MLXIPL: variants seen among roughly 807,000 people sequenced by gnomAD.
MLXIPL encodes carbohydrate-responsive element-binding protein.
MLXIPL carries 49 observed loss-of-function variants against 81.5 expected under a neutral mutation model. That is an observed-to-expected ratio of 0.60 (90% CI 0.48 to 0.76). MLXIPL has a LOEUF of 0.76. MLXIPL is among the 30% of genes least tolerant of loss of function. MLXIPL has a pLI of 0.00. For missense variants in MLXIPL, 1,053 were observed against 1,167.0 expected (o/e 0.90, Z 1.42); for synonymous variants, 466 against 485.5 (o/e 0.96, Z 0.53).
At chr7:73,625,189 C>T (rs899839259), upstream of MLXIPL, among the ~76,000 whole-genome samples, 1 of 151,962 alleles carries the variant, frequency 6.6e-6, no homozygotes, top group South Asian at 2.1e-4. Flanking sequence ...GTCTCCACAA[C>T]AAAAGGGTCC....
chr7:73,594,478 A>C, intron 15 of MLXIPL, 75 bp from the exon 16 acceptor site: 3 of 1,579,526 alleles, frequency 1.9e-6, no homozygotes, highest in Non-Finnish European at 2.6e-6. Context: ...TGCCCAGTTC[A>C]AACCAGGGGA....
At chr7:73,619,504 C>CT in intron 1 of MLXIPL, among the ~76,000 whole-genome samples, 1 of 151,408 alleles carries the variant, frequency 6.6e-6, no homozygotes, top group East Asian at 1.9e-4. Context: ...TGGTGCAAAC[C>CT]TCTAGTCTCA....
intron 1 of MLXIPL, 26 bp from the exon 2 acceptor site, chr7:73,616,203 T>G: frequency 6.4e-7 from 1 of 1,569,310 alleles, no homozygotes; most frequent in Non-Finnish European, 8.8e-7. Flanking sequence ...GGAGTAGGGT[T>G]AGGGAGATGC....
Position 73,605,890 on chromosome 7 carries a change from G to A in MLXIPL, c.820+20C>T. The A allele has an allele frequency of 6.4e-7, 1 of 1,571,742 alleles. No individual in the cohort carries two copies. The highest frequency in any genetic ancestry group is 2.3e-5 in the East Asian group (1 of 42,908). ...TCACAGGCCTTCACCCCTCTCCCCT[G>A]CCCTTTCTCAGACCCTCACCATCCT... On this transcript the variant is annotated intron_variant, in intron 6 of 16. Coordinates refer to ENST00000313375, the MANE Select transcript of MLXIPL (RefSeq NM_032951.3).
Position 73,623,418 on chromosome 7 carries a change from C to CGCGGGGCGTGGAGCGGCA in MLXIPL, c.293+764_293+781dup, listed in dbSNP as rs1554602741. On this transcript the variant is annotated intron_variant, in intron 1 of 16. Transcript: ENST00000313375. This position sits in a 1 kb window ranked among gnomAD's most constrained non-coding sequence, Gnocchi z 5.7. ...CTCGGGTTCGCGCCCTCCTCTGGGA[C>CGCGGGGCGTGGAGCGGCA]GCGGGGCGTGGAGCGGCAGCGGGGC... Among the ~76,000 whole-genome samples, 1 of 152,024 alleles carries CGCGGGGCGTGGAGCGGCA rather than the reference C, an allele frequency of 6.6e-6. No individual in the cohort carries two copies. Among genetic ancestry groups the CGCGGGGCGTGGAGCGGCA allele is most frequent in the African/African-American group, 2.4e-5 (1 of 41,408 alleles).
At chr7:73,604,604 A>G (rs782239462) in intron 7 of MLXIPL, among the ~76,000 whole-genome samples, 7 of 152,098 alleles carry the variant, frequency 4.6e-5, no homozygotes, top group Non-Finnish European at 1.0e-4. Context: ...AAAATAAAAT[A>G]GAAACATAAC....
At chr7:73,631,310 C>T in the MLXIPL span, among the ~76,000 whole-genome samples, 9 of 152,046 alleles carry the variant, frequency 5.9e-5, no homozygotes, top group East Asian at 1.9e-4. Flanking sequence ...CCACCGCACC[C>T]GGCCCACACT....
Position 73,599,516 on chromosome 7 carries a change from G to T in MLXIPL, c.1071+10C>A, listed in dbSNP as rs939362438. On this transcript the variant is annotated intron_variant, in intron 8 of 16. Transcript: ENST00000313375. ...GCTACACAGGGCTGGACGGGGTGGGGTGAGCTCACCTGCAGACGGCTGTGT... is the reference window on the plus strand; with the variant it reads ...GCTACACAGGGCTGGACGGGGTGGGTTGAGCTCACCTGCAGACGGCTGTGT... 2.5e-6 allele frequency: 4 copies of T among 1,612,230 alleles called. No individual in the cohort carries two copies. Among genetic ancestry groups the T allele is most frequent in the Admixed American group, 1.7e-5 (1 of 59,944 alleles).
chr7:73,626,469 A>AT (rs35194433), upstream of MLXIPL, among the ~76,000 whole-genome samples: 349 of 147,910 alleles, frequency 2.4e-3, 3 homozygotes, highest in South Asian at 0.012. Context: ...AACCTGGCTA[A>AT]TTTTTTTTTT....
the MLXIPL span, among the ~76,000 whole-genome samples, chr7:73,636,048 C>A: frequency 6.6e-6 from 1 of 152,134 alleles, no homozygotes; most frequent in Non-Finnish European, 1.5e-5. Flanking sequence ...TTAAGGGCGG[C>A]CGGACTTGCA....
the MLXIPL span, among the ~76,000 whole-genome samples, chr7:73,630,443 C>G: frequency 2.6e-5 from 4 of 151,988 alleles, no homozygotes; most frequent in African/African-American, 9.7e-5. Context: ...CAGGCGTGTG[C>G]CACTATGCCC....
chr7:73,630,962 C>T, the MLXIPL span, among the ~76,000 whole-genome samples: 1 of 152,150 alleles, frequency 6.6e-6, no homozygotes, highest in East Asian at 1.9e-4. Flanking sequence ...GGATGCCTAT[C>T]AACAGGTGAA....
the MLXIPL span, among the ~76,000 whole-genome samples, chr7:73,640,799 A>G: frequency 2.1e-4 from 31 of 150,834 alleles, no homozygotes; most frequent in Non-Finnish European, 1.5e-5. Context: ...AAAAAAGGAG[A>G]AAAAAAAGAA....
At chr7:73,599,862 C>G (rs782751388) in intron 7 of MLXIPL, among the ~76,000 whole-genome samples, 167 bp from the exon 8 acceptor site, 2 of 151,904 alleles carry the variant, frequency 1.3e-5, no homozygotes, top group Non-Finnish European at 2.9e-5. Flanking sequence ...GGGAGGGTTT[C>G]TGTCTCGATT....
At position 73,597,248 on chromosome 7, in the gene MLXIPL, C is replaced by A; in HGVS notation, c.1537G>T (p.Ala513Ser). 1 of 1,599,880 alleles carries A rather than the reference C, an allele frequency of 6.3e-7. No individual in the cohort carries two copies. ...GCAGTGGTGGGGGGACTGGCAGTGG[C>A]AGGGGCTAAGGTAGGGGGGCTGGCT... ...QKASPPTLAP[A>S]TASPPTTAGS... The change falls in exon 9 of 17, where the codon GCC (alanine) becomes TCC (serine). Residue 513 changes from alanine to serine, a missense_variant. Physicochemically the swap from Ala to Ser is moderately conservative, Grantham distance 99. Transcript: ENST00000313375.
Position 73,597,642 on chromosome 7 carries a change from G to T in MLXIPL, c.1143C>A (p.Asp381Glu). ...FLSSDFLLPE[D>E]PKPRLPPPPV... ...GAGGGGGTGGGAGCCGGGGCTTGGG[G>T]TCTTCAGGAAGGAGGAAATCAGAAC... The change falls in exon 9 of 17, where the codon GAC (aspartate) becomes GAA (glutamate). Residue 381 changes from aspartate to glutamate, a missense_variant. Around this residue, in one of 3 missense-constraint regions of MLXIPL, gnomAD observed 823 missense variants for 933.0 expected, o/e 0.88. Transcript: ENST00000313375. 1 of 1,388,046 alleles carries T rather than the reference G, an allele frequency of 7.2e-7. No homozygotes were observed. The highest frequency in any genetic ancestry group is 9.3e-7 in the Non-Finnish European group (1 of 1,074,502). The allele number at this position is 1,388,046 out of a possible 1,614,324, so 86.0% of individuals were successfully genotyped here. A position where few individuals can be genotyped will look rare whatever the true frequency, so the allele number is the denominator to read the frequency against.
At position 73,624,346 on chromosome 7, in the gene MLXIPL, G is replaced by T; in HGVS notation, c.147C>A (p.Ser49Arg). 6.3e-7 allele frequency: 1 copy of T among 1,586,352 alleles called. No individual in the cohort carries two copies. Among genetic ancestry groups the T allele is most frequent in the Non-Finnish European group, 8.6e-7 (1 of 1,169,506 alleles). The change falls in exon 1 of 17, where the codon AGC becomes AGA. Residue 49 changes from serine (S) to arginine (R), a missense_variant. By Grantham distance (110) the Ser-to-Arg change is moderately radical (BLOSUM62 -1). Coordinates refer to ENST00000313375, the MANE Select transcript of MLXIPL (RefSeq NM_032951.3). ...GGLLRSQVIH[S>R]GHFMVSSPHS... ...GCGGCGACGACACCATGAAGTGACC[G>T]CTGTGGATGACCTGCGAGCGGAGCA... is the stretch of plus-strand genomic sequence containing the variant.
intron 4 of MLXIPL, 121 bp from the exon 5 acceptor site, chr7:73,607,139 AC>A: frequency 2.2e-6 from 3 of 1,392,824 alleles, no homozygotes; most frequent in Non-Finnish European, 3.0e-6. Context: ...AGCTCACCCG[AC>A]CCCTAGGTAA....
chr7:73,614,820 T>C (rs1554600448), intron 2 of MLXIPL, among the ~76,000 whole-genome samples: 1 of 149,898 alleles, frequency 6.7e-6, no homozygotes, highest in East Asian at 2.0e-4. Flanking sequence ...TTTTTTTTTT[T>C]TTTTTTTTGA....
Sources: allele counts gnomAD v4.1 joint callset (sites outside exome capture counted in the v4.1 genomes callset), GRCh38; gene constraint gnomAD v4.1.1; regional missense constraint gnomAD v4.1.1; non-coding constraint Gnocchi (gnomAD v3.1); transcripts MANE v1.5; gene names NCBI Gene and HGNC (gene_info 2026-07-23, HGNC 2026-07-21).